Variants in LRRC4C observed in about 807,000 individuals in gnomAD.
LRRC4C encodes the protein leucine-rich repeat-containing protein 4C.
In LRRC4C, 5 loss-of-function variants were observed where a neutral mutation model predicts 33.6. The observed-to-expected ratio is 0.15, with a 90% CI of 0.08 to 0.31. The LOEUF is 0.31. Among genes scored for constraint, LRRC4C ranks in the 10% least tolerant of loss-of-function variants. The pLI is 1.00. For missense variants in LRRC4C, 560 were observed against 796.7 expected, an observed-to-expected ratio of 0.70 and a Z score of 3.58; for synonymous variants, 329 against 302.0, an observed-to-expected ratio of 1.09 and a Z score of -0.93.
At chr11:40,841,907 C>T (rs1952933291) in intron 2 of LRRC4C, among the ~76,000 whole-genome samples, 1 of 152,174 alleles carries the variant, frequency 6.6e-6, no homozygotes, top group African/African-American at 2.4e-5. Context: ...ACTCTAGTCT[C>T]TCATTTCTTG....
At chr11:41,305,924 AAT>A (rs375704375) in intron 1 of LRRC4C, among the ~76,000 whole-genome samples, 46,975 of 105,520 alleles carry the variant, frequency 0.45, 9,283 homozygotes, top group Non-Finnish European at 0.53. Flanking sequence ...AAAAAAAAAT[AAT>A]AAAATAAAAT....
intron 2 of LRRC4C, among the ~76,000 whole-genome samples, chr11:40,750,870 A>C (rs1436715614): frequency 1.3e-5 from 2 of 152,124 alleles, no homozygotes; most frequent in African/African-American, 4.8e-5. Context: ...AAAAATTGTC[A>C]ACAAAATACT....
intron 4 of LRRC4C, among the ~76,000 whole-genome samples, chr11:40,305,531 A>T (rs1181801053): frequency 6.6e-6 from 1 of 152,174 alleles, no homozygotes; most frequent in East Asian, 1.9e-4. Flanking sequence ...TTCTGTAGCA[A>T]ATATTCTCAG....
At chr11:40,414,930 C>T (rs1410606513) in intron 3 of LRRC4C, among the ~76,000 whole-genome samples, 1 of 152,104 alleles carries the variant, frequency 6.6e-6, no homozygotes, top group Non-Finnish European at 1.5e-5. Flanking sequence ...GAATAAACAG[C>T]TATGGAAACT....
intron 4 of LRRC4C, among the ~76,000 whole-genome samples, chr11:40,318,873 C>T (rs1173056654): frequency 6.6e-6 from 1 of 152,142 alleles, no homozygotes; most frequent in Non-Finnish European, 1.5e-5. Flanking sequence ...CACAACATGT[C>T]TATTGTGATT....
chr11:40,323,773 C>A (rs1010055931), intron 3 of LRRC4C, among the ~76,000 whole-genome samples: 1 of 152,114 alleles, frequency 6.6e-6, no homozygotes, highest in Non-Finnish European at 1.5e-5. Context: ...AAGGAACCCA[C>A]CCTCTATTGA....
chr11:41,159,785 T>A (rs1246919815), intron 1 of LRRC4C, among the ~76,000 whole-genome samples: 1 of 152,084 alleles, frequency 6.6e-6, no homozygotes, highest in African/African-American at 2.4e-5. Context: ...GAAAGGTCAA[T>A]CAAATTTATC....
rs528423451 is a variant in LRRC4C, at chr11:41,265,320, C to A, written c.-496+194111G>T. On this transcript the variant is annotated intron_variant, in intron 1 of 6. Coordinates refer to ENST00000528697, the MANE Select transcript of LRRC4C (RefSeq NM_001258419.2). ...AAAATTAAAGGTACGTTAGAGTAAA[C>A]CAAGAGGACGATACTTAAAAGACAC... 1.1e-3 allele frequency among the ~76,000 whole-genome samples: 163 copies of A among 152,084 alleles called. 1 individual carries two copies. The highest frequency in any genetic ancestry group is 2.1e-3 in the Non-Finnish European group (141 of 67,964).
intron 1 of LRRC4C, among the ~76,000 whole-genome samples, chr11:41,220,366 T>C (rs942683124): frequency 2.6e-5 from 4 of 152,136 alleles, no homozygotes; most frequent in African/African-American, 9.7e-5. Flanking sequence ...CAATATGAAA[T>C]ACCCCTCTCC....
rs1855415306 is a variant in LRRC4C, at chr11:40,116,172, G to C, written c.121C>G (p.Leu41Val). 6.2e-7 allele frequency: 1 copy of C among 1,613,716 alleles called. No individual in the cohort carries two copies. The highest frequency in any genetic ancestry group is 8.5e-7 in the Non-Finnish European group (1 of 1,179,930). Residue 41 changes from leucine (L) to valine (V), a missense_variant, in exon 7 of 7, where the codon CTG becomes GTG. Leu to Val is a conservative substitution (Grantham distance 32, BLOSUM62 1). Coordinates refer to ENST00000528697, the MANE Select transcript of LRRC4C (RefSeq NM_001258419.2). ...LALQLLVVAG[L>V]VRAQTCPSVC... ...GAAGGGCAGGTCTGAGCCCGCACCAGACCAGCCACCACAAGAAGTTGAAGA... is the reference window on the plus strand; with the variant it reads ...GAAGGGCAGGTCTGAGCCCGCACCACACCAGCCACCACAAGAAGTTGAAGA...
At chr11:40,128,074 C>CCCGCT (rs5791358) in intron 6 of LRRC4C, among the ~76,000 whole-genome samples, 28,021 of 151,972 alleles carry the variant, frequency 0.18, 2,712 homozygotes, top group East Asian at 0.27. Context: ...TAAAATGCCC[C>CCCGCT]GGAGGGTTGG....
At chr11:41,120,560 GCTA>G (rs1433030848) in intron 1 of LRRC4C, among the ~76,000 whole-genome samples, 2 of 152,224 alleles carry the variant, frequency 1.3e-5, no homozygotes, top group African/African-American at 4.8e-5. Context: ...TCACTGTTGG[GCTA>G]CTGTTTGACA....
intron 1 of LRRC4C, among the ~76,000 whole-genome samples, chr11:41,249,281 T>A (rs1238897392): frequency 6.6e-6 from 1 of 152,016 alleles, no homozygotes; most frequent in African/African-American, 2.4e-5. Context: ...TGATCTGCCC[T>A]CCTCGGCCTC....
intron 2 of LRRC4C, among the ~76,000 whole-genome samples, chr11:40,720,013 A>T (rs1186884848): frequency 6.6e-6 from 1 of 152,070 alleles, no homozygotes; most frequent in Non-Finnish European, 1.5e-5. Context: ...CCTTTGGTGA[A>T]TCTCCACCTC....
At chr11:40,593,130 G>T (rs568289415) in intron 3 of LRRC4C, among the ~76,000 whole-genome samples, 41 of 152,296 alleles carry the variant, frequency 2.7e-4, no homozygotes, top group East Asian at 1.9e-4. Flanking sequence ...AGGACTAGAT[G>T]TGCAGAGAGA....
At chr11:41,012,517 G>C (rs1223102039) in intron 1 of LRRC4C, among the ~76,000 whole-genome samples, 1 of 151,854 alleles carries the variant, frequency 6.6e-6, no homozygotes, top group African/African-American at 2.4e-5. Flanking sequence ...CCATATTTTG[G>C]CTATTGTGAT....
chr11:40,533,636 C>CGGTCA (rs1284134466), intron 3 of LRRC4C, among the ~76,000 whole-genome samples: 1 of 152,078 alleles, frequency 6.6e-6, no homozygotes, highest in East Asian at 1.9e-4. Flanking sequence ...TCTCCACACA[C>CGGTCA]GGTCATAAGG....
chr11:40,519,552 C>G (rs550876057), intron 3 of LRRC4C, among the ~76,000 whole-genome samples: 1 of 152,238 alleles, frequency 6.6e-6, no homozygotes, highest in Non-Finnish European at 1.5e-5. Flanking sequence ...GAATTAGTAC[C>G]TTGCTCTGAA....
intron 1 of LRRC4C, among the ~76,000 whole-genome samples, chr11:41,040,081 T>G (rs924789403): frequency 2.8e-5 from 4 of 142,614 alleles, no homozygotes; most frequent in Non-Finnish European, 6.0e-5. Flanking sequence ...GAGCTTGCAG[T>G]GAGCCGAGAT....
Sources: allele counts gnomAD v4.1 joint callset (sites outside exome capture counted in the v4.1 genomes callset), GRCh38; gene constraint gnomAD v4.1.1; transcripts MANE v1.5; gene names NCBI Gene and HGNC (gene_info 2026-07-23, HGNC 2026-07-21).